Variants in MAN1C1 observed in about 807,000 individuals in gnomAD.
MAN1C1 encodes mannosyl-oligosaccharide 1,2-alpha-mannosidase IC.
Under a neutral mutation model 71.5 loss-of-function variants are expected in MAN1C1, and 49 were observed. The observed-to-expected ratio is 0.69, with a 90% confidence interval of 0.54 to 0.87. MAN1C1 has a LOEUF of 0.87. Ranked by LOEUF, MAN1C1 falls within the 40% of genes least tolerant of loss-of-function variation. MAN1C1 has a pLI of 0.00. For synonymous variants in MAN1C1, 352 were observed against 343.7 expected (o/e 1.02, Z -0.27); for missense variants, 743 against 835.0 (o/e 0.89, Z 1.36).
intron 9 of MAN1C1, among the ~76,000 whole-genome samples, chr1:25,780,212 C>A (rs1319257834): frequency 1.3e-5 from 2 of 152,156 alleles, no homozygotes; most frequent in African/African-American, 2.4e-5. Context: ...CCCAGCACGG[C>A]CTTTGAAATC....
intron 8 of MAN1C1, chr1:25,772,052 G>A (rs1384807626): frequency 1.3e-5 from 5 of 386,000 alleles, no homozygotes; most frequent in African/African-American, 6.3e-5. Flanking sequence ...GGAAGTGACC[G>A]TCAGTCTGAT....
At position 25,764,318 on chromosome 1, in the gene MAN1C1, G is replaced by A. The variant is rs72875699; in HGVS notation, c.1141+351G>A. Among the ~76,000 whole-genome samples the A allele has an allele frequency of 0.031, 4,756 of 152,254 alleles. 241 individuals are homozygous for A. Among genetic ancestry groups the A allele is most frequent in the African/African-American group, 0.11 (4,477 of 41,506 alleles). ...ACCCCAGGTTCTCGGGAGGGTCCCA[G>A]GTGGAGTCATCCATTCTAGAAGTGG... On this transcript the variant is annotated intron_variant, in intron 7 of 11. Transcript: ENST00000374332. This position sits in a 1 kb window ranked among gnomAD's most constrained non-coding sequence, Gnocchi z 4.4.
chr1:25,739,868 G>A (rs948136584), intron 2 of MAN1C1, among the ~76,000 whole-genome samples: 22 of 152,238 alleles, frequency 1.4e-4, no homozygotes, highest in South Asian at 8.3e-4. Flanking sequence ...TTGTTCAGCC[G>A]AACCCCTTAC....
At chr1:25,665,215 C>T (rs1474626160) in intron 1 of MAN1C1, among the ~76,000 whole-genome samples, 1 of 152,168 alleles carries the variant, frequency 6.6e-6, no homozygotes, top group African/African-American at 2.4e-5. Flanking sequence ...CAATGTTACT[C>T]GTTTCTGCAA....
At chr1:25,714,755 C>T (rs1275038174) in intron 2 of MAN1C1, among the ~76,000 whole-genome samples, 3 of 152,106 alleles carry the variant, frequency 2.0e-5, no homozygotes, top group Non-Finnish European at 2.9e-5. Context: ...AAGCTTTGTT[C>T]GAGCTCTCAG....
At position 25,763,914 on chromosome 1, in the gene MAN1C1, C is replaced by A; in HGVS notation, c.1088C>A (p.Pro363His). 1 of 1,613,954 alleles carries A rather than the reference C, an allele frequency of 6.2e-7. No homozygotes were observed. The highest frequency in any genetic ancestry group is 8.5e-7 in the Non-Finnish European group (1 of 1,180,026). ...IRKVLRKIEK[P>H]FGLYPNFLSP... ...AAGGTCCTCAGGAAGATCGAAAAGC[C>A]CTTTGGCCTCTACCCCAACTTCCTC... The change falls in exon 7 of 12, where the codon CCC becomes CAC. Residue 363 changes from proline to histidine, a missense_variant. By Grantham distance (77) the Pro-to-His change is moderately conservative (BLOSUM62 -2). Transcript: ENST00000374332.
intron 2 of MAN1C1, among the ~76,000 whole-genome samples, chr1:25,713,136 C>T (rs532877396): frequency 6.6e-6 from 1 of 151,880 alleles, no homozygotes; most frequent in African/African-American, 2.4e-5. Context: ...AAACTGAGGT[C>T]ATTACAGATG....
In MAN1C1 at chr1:25,730,299, C is replaced by A. The variant is rs952560597; in HGVS notation, c.638-16369C>A. 3.3e-5 allele frequency among the ~76,000 whole-genome samples: 5 copies of A among 152,162 alleles called. No individual in the cohort carries two copies. The highest frequency in any genetic ancestry group is 3.3e-4 in the Admixed American group (5 of 15,284). ...GAGGCAGAGACTGGCCTTCTCCACG[C>A]ATGATTAAGCACGATGGCTTTTTAA... On this transcript the variant is annotated intron_variant, in intron 2 of 11. Coordinates refer to ENST00000374332, the MANE Select transcript of MAN1C1 (RefSeq NM_020379.4). This position sits in a 1 kb window ranked among gnomAD's most constrained non-coding sequence, Gnocchi z 4.3.
At position 25,711,817 on chromosome 1, in the gene MAN1C1, T is replaced by C. The variant is rs943278726; in HGVS notation, c.637+25281T>C. On this transcript the variant is annotated intron_variant, in intron 2 of 11. Transcript: ENST00000374332. This position sits in a 1 kb window ranked among gnomAD's most constrained non-coding sequence, Gnocchi z 4.3. ...GTCCTGTGTGTGAAAGAGGATACTTTCTTTATTTTACTAAAAGATTCCTTT... is the reference window on the plus strand; with the variant it reads ...GTCCTGTGTGTGAAAGAGGATACTTCCTTTATTTTACTAAAAGATTCCTTT... Among the ~76,000 whole-genome samples, 2 of 151,456 alleles carry C rather than the reference T, an allele frequency of 1.3e-5. No homozygotes were observed. Among genetic ancestry groups the C allele is most frequent in the Non-Finnish European group, 2.9e-5 (2 of 68,042 alleles).
intron 1 of MAN1C1, among the ~76,000 whole-genome samples, chr1:25,629,016 C>T (rs2045340521): frequency 1.3e-5 from 2 of 152,136 alleles, no homozygotes; most frequent in African/African-American, 4.8e-5. Context: ...TTAGGTTGGT[C>T]CCATATCTTT....
rs748810119 is a variant in MAN1C1 at position 25,778,299 on chromosome 1, G to A, written c.1452G>A (p.Thr484=). ...YRELAAQITK[T]CHESYARSDT... ...AGCTCGCAGCCCAGATCACCAAGAC[G>A]TGTCACGAGTCATACGCCCGCTCAG... The change falls in exon 9 of 12, where the codon ACG becomes ACA. Residue 484 remains threonine (T), a synonymous_variant. Transcript: ENST00000374332. The surrounding 1 kb of genome is among the most constrained non-coding windows in gnomAD (Gnocchi z 5.5). 42 of 1,612,876 alleles carry A rather than the reference G, an allele frequency of 2.6e-5. No homozygotes were observed. Among genetic ancestry groups the A allele is most frequent in the African/African-American group, 2.0e-4 (15 of 74,848 alleles).
chr1:25,771,687 G>A lies in MAN1C1; in HGVS notation c.1172G>A (p.Ser391Asn), dbSNP rs2047553801. ...GTCTCAGTTGGAGGACTCGGGGACA[G>A]TTTTTATGAATATTTGATCAAATCC... Reference protein sequence around the residue: ...HHVSVGGLGDSFYEYLIKSWL... With the variant: ...HHVSVGGLGDNFYEYLIKSWL... Residue 391 changes from serine (S) to asparagine (N), a missense_variant, in exon 8 of 12, where the codon AGT (serine) becomes AAT (asparagine). Coordinates refer to ENST00000374332, the MANE Select transcript of MAN1C1 (RefSeq NM_020379.4). 1.2e-6 allele frequency: 2 copies of A among 1,614,066 alleles called. No homozygotes were observed. Among genetic ancestry groups the A allele is most frequent in the Admixed American group, 1.7e-5 (1 of 60,010 alleles).
chr1:25,777,343 G>A (rs1188014209), intron 8 of MAN1C1, among the ~76,000 whole-genome samples: 3 of 152,102 alleles, frequency 2.0e-5, no homozygotes, highest in Admixed American at 2.0e-4. Context: ...GGTCCCCAGG[G>A]CTCCTGGGGT....
chr1:25,691,945 G>A (rs545644329), intron 2 of MAN1C1, among the ~76,000 whole-genome samples: 9 of 152,242 alleles, frequency 5.9e-5, no homozygotes, highest in East Asian at 1.9e-4. Flanking sequence ...TGTGTAGTCC[G>A]TGAGAAATTC....
chr1:25,699,215 G>A (rs544473409), intron 2 of MAN1C1, among the ~76,000 whole-genome samples: 1 of 151,728 alleles, frequency 6.6e-6, no homozygotes, highest in East Asian at 1.9e-4. Context: ...CAGGAGAATC[G>A]CTTGAACCGG....
At chr1:25,629,472 G>A (rs546417024) in intron 1 of MAN1C1, among the ~76,000 whole-genome samples, 5 of 152,064 alleles carry the variant, frequency 3.3e-5, no homozygotes, top group Admixed American at 1.3e-4. Context: ...GTCTCCCTCC[G>A]TCACTCAGGC....
intron 11 of MAN1C1, 61 bp from the exon 12 acceptor site, chr1:25,783,602 C>T: frequency 6.3e-7 from 1 of 1,583,788 alleles, no homozygotes; most frequent in Non-Finnish European, 8.6e-7. Context: ...CCCAGGCCCA[C>T]CCTTCTTCCC....
chr1:25,673,176 C>T (rs898451967), intron 1 of MAN1C1, among the ~76,000 whole-genome samples: 14 of 152,154 alleles, frequency 9.2e-5, no homozygotes, highest in Non-Finnish European at 1.9e-4. Context: ...AGGATGACAG[C>T]GCTGTCTCCC....
intron 2 of MAN1C1, among the ~76,000 whole-genome samples, chr1:25,699,192 C>G (rs942400801): frequency 6.6e-5 from 10 of 151,474 alleles, no homozygotes; most frequent in African/African-American, 2.4e-4. Context: ...CTCAGCTACT[C>G]AGGAGGCTGA....
Sources: allele counts gnomAD v4.1 joint callset (sites outside exome capture counted in the v4.1 genomes callset), GRCh38; gene constraint gnomAD v4.1.1; non-coding constraint Gnocchi (gnomAD v3.1); transcripts MANE v1.5; gene names NCBI Gene and HGNC (gene_info 2026-07-23, HGNC 2026-07-21).